ABCA9: variants seen among roughly 807,000 people sequenced by gnomAD.
ABCA9 encodes ATP-binding cassette sub-family A member 9.
A neutral mutation model predicts 205.3 loss-of-function variants in ABCA9; 183 were observed. That is an observed-to-expected ratio of 0.89 (90% CI 0.79 to 1.01). The LOEUF is 1.01. ABCA9 is among the 50% of genes least tolerant of loss of function. The probability of loss-of-function intolerance (pLI) is 0.00; values close to 1 mark genes in which losing one functional copy is unlikely to be tolerated. For synonymous variants in ABCA9, 651 were observed against 683.3 expected, an observed-to-expected ratio of 0.95 and a Z score of 0.74; for missense variants, 1,805 against 1,912.4, an observed-to-expected ratio of 0.94 and a Z score of 1.05.
At chr17:68,990,686 TG>T in intron 29 of ABCA9, 150 bp downstream of exon 29, 2 of 851,710 alleles carry the variant, frequency 2.3e-6, no homozygotes, top group Non-Finnish European at 3.5e-6. Flanking sequence ...CTTACATTTG[TG>T]GGCCTTGCAT....
chr17:69,017,851 A>G (rs2070676195), intron 20 of ABCA9, 62 bp from the exon 21 acceptor site: 2 of 1,544,140 alleles, frequency 1.3e-6, no homozygotes, highest in Non-Finnish European at 1.8e-6. Flanking sequence ...AAGTAATATT[A>G]AAAATACATT....
chr17:69,052,477 T>C (rs1329173618), intron 1 of ABCA9, among the ~76,000 whole-genome samples: 1 of 152,144 alleles, frequency 6.6e-6, no homozygotes, highest in Non-Finnish European at 1.5e-5. Flanking sequence ...GGCAGAAATG[T>C]TGCAATTATT....
chr17:69,020,316 T>G, intron 19 of ABCA9, 72 bp downstream of exon 19: 1 of 1,392,848 alleles, frequency 7.2e-7, no homozygotes, highest in Non-Finnish European at 9.8e-7. Flanking sequence ...TCTGAGTTTC[T>G]TTTATGTTTT....
In ABCA9 at chr17:69,024,488, A is replaced by G. The variant is rs558023182; in HGVS notation, c.2142-135T>C. On this transcript the variant is annotated intron_variant, in intron 16 of 38. Coordinates refer to ENST00000340001, the MANE Select transcript of ABCA9 (RefSeq NM_080283.4). ...AATGTGTAGTTTACTGGACAAAGTA[A>G]GATGTAAAACTACTAATAAAGTCCA... The G allele has an allele frequency of 3.4e-5, 28 of 832,784 alleles. 1 individual carries two copies. The East Asian group carries it at 4.6e-4, about 14-fold the overall frequency. The allele number at this position is 832,784 out of a possible 1,614,324, so 51.6% of individuals were successfully genotyped here. A position where few individuals can be genotyped will look rare whatever the true frequency, so the allele number is the denominator to read the frequency against.
At chr17:69,066,072 A>T in the ABCA9 span, among the ~76,000 whole-genome samples, 2 of 152,162 alleles carry the variant, frequency 1.3e-5, no homozygotes, top group African/African-American at 4.8e-5. Context: ...CCAGTCTCAA[A>T]TATGTCTTTA....
At chr17:69,019,915 C>G (rs998491101) in intron 19 of ABCA9, 2 of 153,584 alleles carry the variant, frequency 1.3e-5, no homozygotes, top group Non-Finnish European at 2.9e-5. Context: ...TTAACTCTAA[C>G]CCAAGTTTCC....
chr17:68,997,789 T>C (rs1477203786), intron 25 of ABCA9, among the ~76,000 whole-genome samples: 2 of 152,192 alleles, frequency 1.3e-5, no homozygotes, highest in Non-Finnish European at 2.9e-5. Context: ...ATGAGCCTTA[T>C]TGACACATCT....
Position 69,049,185 on chromosome 17 carries a change from G to C in ABCA9, c.304+98C>G, listed in dbSNP as rs536946670. The C allele has an allele frequency of 3.1e-5, 40 of 1,299,042 alleles. No individual in the cohort carries two copies. In the African/African-American group the frequency reaches 4.6e-4, roughly 15 times the overall value. 80.5% of individuals were successfully genotyped at this position (1,299,042 alleles called of 1,614,324 possible). On this transcript the variant is annotated intron_variant, in intron 3 of 38. Coordinates refer to ENST00000340001, the MANE Select transcript of ABCA9 (RefSeq NM_080283.4). ...ACGTTAATGTTGTTAATAAACTCTAGAAACTTGAACATTCAACATAATTTA... is the reference window on the plus strand; with the variant it reads ...ACGTTAATGTTGTTAATAAACTCTACAAACTTGAACATTCAACATAATTTA...
intron 37 of ABCA9, among the ~76,000 whole-genome samples, chr17:68,977,522 C>G (rs2068923585): frequency 6.6e-6 from 1 of 152,102 alleles, no homozygotes; most frequent in Admixed American, 6.6e-5. Flanking sequence ...TAAAATTGAC[C>G]ATTTCACCTT....
intron 22 of ABCA9, among the ~76,000 whole-genome samples, chr17:69,012,926 C>CTGTT (rs1231890685): frequency 6.6e-6 from 1 of 152,008 alleles, no homozygotes; most frequent in East Asian, 1.9e-4. Flanking sequence ...ATGAGTTCAA[C>CTGTT]TGTTTTAATT....
At chr17:68,978,419 T>C (rs1398963735) in intron 37 of ABCA9, among the ~76,000 whole-genome samples, 1 of 152,214 alleles carries the variant, frequency 6.6e-6, no homozygotes, top group East Asian at 1.9e-4. Context: ...TGATTCTTTA[T>C]CTAATTTGCC....
chr17:68,984,855 A>G, intron 34 of ABCA9, 30 bp downstream of exon 34: 1 of 1,614,048 alleles, frequency 6.2e-7, no homozygotes, highest in South Asian at 1.1e-5. Flanking sequence ...CAATACACTC[A>G]TGCAGAGGTT....
chr17:68,982,590 T>C lies in ABCA9; in HGVS notation c.4692A>G (p.Leu1564=), dbSNP rs544367399. The C allele has an allele frequency of 2.0e-5, 33 of 1,614,078 alleles. No individual in the cohort carries two copies. Among genetic ancestry groups the C allele is most frequent in the Non-Finnish European group, 2.7e-5 (32 of 1,179,940 alleles). Residue 1564 remains leucine, a synonymous_variant, in exon 37 of 39, where the codon TTA becomes TTG. Transcript: ENST00000340001. ...YKLPVEDVRP[L]SQAFFKLEIV... ...TCTCTAATTTGAAGAAAGCCTGTGA[T>C]AAAGGTCGCACATCCTCAACAGGCA...
Position 69,027,760 on chromosome 17 carries a change from G to A in ABCA9, c.1671C>T (p.Ile557=), listed in dbSNP as rs1442320929. Residue 557 remains isoleucine (I), a synonymous_variant, in exon 13 of 39, where the codon ATC becomes ATT. Coordinates refer to ENST00000340001, the MANE Select transcript of ABCA9 (RefSeq NM_080283.4). ...TLSRMADIEN[I]SKFTGFCPQS... is the part of the protein sequence containing the mutation. ...GTGGACAAAATCCAGTGAACTTGCT[G>A]ATATTTTCTATATCAGCCATTCTTG... The A allele has an allele frequency of 6.2e-7, 1 of 1,612,844 alleles. No homozygotes were observed. The highest frequency in any genetic ancestry group is 2.2e-5 in the East Asian group (1 of 44,800).
upstream of ABCA9, among the ~76,000 whole-genome samples, chr17:69,065,292 T>C (rs2072335450): frequency 6.6e-6 from 1 of 152,236 alleles, no homozygotes; most frequent in Non-Finnish European, 1.5e-5. Flanking sequence ...TCTTGGAAGT[T>C]TATTAGATAT....
At chr17:69,001,569 T>G (rs1039986036) in intron 25 of ABCA9, among the ~76,000 whole-genome samples, 2 of 151,830 alleles carry the variant, frequency 1.3e-5, no homozygotes, top group Non-Finnish European at 2.9e-5. Flanking sequence ...GATATTGGTC[T>G]AAAATTCTCT....
intron 3 of ABCA9, among the ~76,000 whole-genome samples, chr17:69,048,926 C>A (rs943016463): frequency 6.6e-6 from 1 of 152,212 alleles, no homozygotes; most frequent in Middle Eastern, 3.4e-3. Flanking sequence ...AAATATTGCC[C>A]ATGGGTTTTC....
intron 19 of ABCA9, among the ~76,000 whole-genome samples, chr17:69,018,883 A>G (rs942722405): frequency 1.3e-5 from 2 of 151,860 alleles, no homozygotes; most frequent in Non-Finnish European, 2.9e-5. Flanking sequence ...TCAGTCATGC[A>G]TTTCTTTCTT....
At chr17:69,017,520 C>A in intron 21 of ABCA9, 136 bp downstream of exon 21, 5 of 921,878 alleles carry the variant, frequency 5.4e-6, no homozygotes, top group Non-Finnish European at 8.1e-6. Context: ...AATTGTAGTC[C>A]AGCTTCTTCT....
Sources: allele counts gnomAD v4.1 joint callset (sites outside exome capture counted in the v4.1 genomes callset), GRCh38; gene constraint gnomAD v4.1.1; transcripts MANE v1.5; gene names NCBI Gene and HGNC (gene_info 2026-07-23, HGNC 2026-07-21).